Variants in ARHGEF28 observed in about 807,000 individuals in gnomAD.
The protein encoded by ARHGEF28 is 190 kDa guanine nucleotide exchange factor.
Under a neutral mutation model 206.6 loss-of-function variants are expected in ARHGEF28, and 152 were observed. The ratio of observed to expected loss-of-function variants is 0.74; its 90% CI spans 0.64 to 0.84. The LOEUF (loss-of-function observed/expected upper bound fraction) is 0.84, where lower values mean the gene tolerates loss of function less well. Among genes scored for constraint, ARHGEF28 ranks in the 40% least tolerant of loss-of-function variants. The pLI, the probability that ARHGEF28 is intolerant of heterozygous loss-of-function variation, is 0.00. For missense variants in ARHGEF28, 2,028 were observed against 2,073.2 expected (o/e 0.98, Z 0.42); for synonymous variants, 763 against 776.4 (o/e 0.98, Z 0.29).
At chr5:73,640,963 G>A (rs1182348789) in intron 1 of ARHGEF28, among the ~76,000 whole-genome samples, 1 of 152,174 alleles carries the variant, frequency 6.6e-6, no homozygotes, top group Non-Finnish European at 1.5e-5. Context: ...GCACTTCTGC[G>A]TTTAGTAACA....
chr5:73,923,774 C>T (rs552657053), intron 35 of ARHGEF28, among the ~76,000 whole-genome samples: 2 of 152,186 alleles, frequency 1.3e-5, no homozygotes, highest in Admixed American at 1.3e-4. Context: ...TGTTGGCTAA[C>T]TTTGAGGATG....
At chr5:73,661,458 C>G (rs1389643386) in intron 1 of ARHGEF28, among the ~76,000 whole-genome samples, 1 of 152,078 alleles carries the variant, frequency 6.6e-6, no homozygotes, top group Non-Finnish European at 1.5e-5. Context: ...CTTTTAATTT[C>G]TTTCAATAAC....
At chr5:73,626,567 C>G (rs761204668) in intron 1 of ARHGEF28, among the ~76,000 whole-genome samples, 1 of 151,860 alleles carries the variant, frequency 6.6e-6, no homozygotes, top group African/African-American at 2.4e-5. Context: ...GCGGCAGCTG[C>G]GGAGCGCGGG....
intron 16 of ARHGEF28, among the ~76,000 whole-genome samples, chr5:73,859,728 C>T (rs1200738089): frequency 6.6e-6 from 1 of 152,118 alleles, no homozygotes; most frequent in Non-Finnish European, 1.5e-5. Context: ...CTTCAGCGGT[C>T]AGTTCATTCG....
intron 1 of ARHGEF28, among the ~76,000 whole-genome samples, chr5:73,658,962 T>TAC (rs55877309): frequency 0.2 from 25,408 of 124,460 alleles, 2,419 homozygotes; most frequent in East Asian, 0.45. Flanking sequence ...TGCATGCAGG[T>TAC]ACACACACAC....
chr5:73,854,599 G>T (rs1367078142), intron 14 of ARHGEF28, among the ~76,000 whole-genome samples: 1 of 152,130 alleles, frequency 6.6e-6, no homozygotes, highest in African/African-American at 2.4e-5. Context: ...GGGAGGCAGA[G>T]GCGGGCGGAT....
At chr5:73,708,212 A>G (rs1401133972) in intron 2 of ARHGEF28, among the ~76,000 whole-genome samples, 1 of 148,776 alleles carries the variant, frequency 6.7e-6, no homozygotes, top group African/African-American at 2.5e-5. Context: ...TTCAGCTTTT[A>G]TTTTAGGTTC....
At chr5:73,921,926 C>T (rs1763542044) in intron 35 of ARHGEF28, among the ~76,000 whole-genome samples, 1 of 152,172 alleles carries the variant, frequency 6.6e-6, no homozygotes, top group Non-Finnish European at 1.5e-5. Flanking sequence ...ATCAATTAAT[C>T]ATACAGAATG....
At chr5:73,659,952 T>C (rs565897230) in intron 1 of ARHGEF28, among the ~76,000 whole-genome samples, 1 of 152,252 alleles carries the variant, frequency 6.6e-6, no homozygotes, top group Admixed American at 6.5e-5. Flanking sequence ...TGCTGACTGA[T>C]CAGTTTGGTG....
chr5:73,725,610 C>CT (rs1353448029), intron 2 of ARHGEF28, among the ~76,000 whole-genome samples: 1 of 152,126 alleles, frequency 6.6e-6, no homozygotes, highest in Admixed American at 6.6e-5. Flanking sequence ...CACTAAAAAT[C>CT]TTTTTTATTT....
At chr5:73,817,037 T>C (rs533979754) in intron 9 of ARHGEF28, among the ~76,000 whole-genome samples, 6 of 152,202 alleles carry the variant, frequency 3.9e-5, no homozygotes, top group Non-Finnish European at 8.8e-5. Context: ...GATTGAAAAA[T>C]ACAGGAATTA....
chr5:73,903,355 G>A (rs1233956893), intron 31 of ARHGEF28: 1 of 152,150 alleles, frequency 6.6e-6, no homozygotes, highest in African/African-American at 2.4e-5. Context: ...TCAACTGGGA[G>A]TCATTCACTT....
intron 9 of ARHGEF28, among the ~76,000 whole-genome samples, chr5:73,825,167 C>T (rs1202547995): frequency 6.6e-6 from 1 of 152,166 alleles, no homozygotes; most frequent in African/African-American, 2.4e-5. Context: ...AGATGACATA[C>T]AACAAGCAAA....
intron 35 of ARHGEF28, among the ~76,000 whole-genome samples, chr5:73,938,900 G>C (rs945349077): frequency 6.7e-6 from 1 of 149,018 alleles, no homozygotes; most frequent in Non-Finnish European, 1.5e-5. Context: ...CAATTGCTGT[G>C]TCAGTTTTGA....
At chr5:73,626,362 C>A (rs1742998528) in intron 1 of ARHGEF28, 40 bp downstream of exon 1, 2 of 152,292 alleles carry the variant, frequency 1.3e-5, no homozygotes, top group Non-Finnish European at 2.9e-5. Flanking sequence ...CGTTTCCCTG[C>A]AGCTCTGGGC....
At chr5:73,764,396 T>G (rs1478848048) in intron 4 of ARHGEF28, among the ~76,000 whole-genome samples, 1 of 152,202 alleles carries the variant, frequency 6.6e-6, no homozygotes, top group Non-Finnish European at 1.5e-5. Context: ...GATGAAGACT[T>G]TTTAAAGTTG....
At chr5:73,821,214 T>G (rs922661322) in intron 9 of ARHGEF28, among the ~76,000 whole-genome samples, 2 of 152,162 alleles carry the variant, frequency 1.3e-5, no homozygotes, top group African/African-American at 4.8e-5. Context: ...CAGAACAATT[T>G]GGAGGAATGC....
chr5:73,653,961 A>G (rs1745009092), intron 1 of ARHGEF28, among the ~76,000 whole-genome samples: 1 of 152,238 alleles, frequency 6.6e-6, no homozygotes, highest in Non-Finnish European at 1.5e-5. Context: ...GTATGAAAGA[A>G]AGGGGCCTCA....
chr5:73,709,953 C>G (rs1474679622), intron 2 of ARHGEF28, among the ~76,000 whole-genome samples: 2 of 152,094 alleles, frequency 1.3e-5, no homozygotes, highest in African/African-American at 4.8e-5. Flanking sequence ...ATAGATGTAC[C>G]ACAGTTTGTT....
Sources: allele counts gnomAD v4.1 joint callset (sites outside exome capture counted in the v4.1 genomes callset), GRCh38; gene constraint gnomAD v4.1.1; transcripts MANE v1.5; gene names NCBI Gene and HGNC (gene_info 2026-07-23, HGNC 2026-07-21).